OGN: variants seen among roughly 807,000 people sequenced by gnomAD.
OGN encodes the protein osteoglycin.
OGN carries 19 observed loss-of-function variants against 30.8 expected under a neutral mutation model. That is an observed-to-expected ratio of 0.62 (90% confidence interval 0.43 to 0.90). The LOEUF is 0.90. OGN is among the 40% of genes least tolerant of loss of function. OGN has a pLI of 0.00. For missense variants in OGN, 283 were observed against 349.7 expected (o/e 0.81, Z 1.52); for synonymous variants, 126 against 128.3 (o/e 0.98, Z 0.12).
chr9:92,391,699 A>G (rs1482141158), intron 4 of OGN, among the ~76,000 whole-genome samples: 2 of 152,232 alleles, frequency 1.3e-5, no homozygotes, highest in African/African-American at 4.8e-5. Flanking sequence ...GACTGTGAAC[A>G]GGGCATTTAT....
At chr9:92,400,814 T>G (rs1843082015) in intron 3 of OGN, among the ~76,000 whole-genome samples, 1 of 152,256 alleles carries the variant, frequency 6.6e-6, no homozygotes, top group South Asian at 2.1e-4. Flanking sequence ...CGTGTTTAAG[T>G]ATTTCTCGAA....
At chr9:92,400,299 G>A (rs1843058091) in intron 3 of OGN, among the ~76,000 whole-genome samples, 1 of 152,052 alleles carries the variant, frequency 6.6e-6, no homozygotes, top group South Asian at 2.1e-4. Context: ...ACAGGCACCT[G>A]CCACCACGCC....
chr9:92,392,983 A>G (rs1842747607), intron 4 of OGN, 103 bp downstream of exon 4: 2 of 868,878 alleles, frequency 2.3e-6, no homozygotes, highest in Non-Finnish European at 3.5e-6. Flanking sequence ...ACTTCAAGTG[A>G]CAAACCTGAA....
chr9:92,400,855 G>A (rs956183752), intron 3 of OGN, among the ~76,000 whole-genome samples: 1 of 152,206 alleles, frequency 6.6e-6, no homozygotes, highest in Non-Finnish European at 1.5e-5. Flanking sequence ...ACCACACTTT[G>A]TGGAGGCTAA....
At chr9:92,399,898 T>C (rs1564299846) in intron 3 of OGN, among the ~76,000 whole-genome samples, 1 of 152,208 alleles carries the variant, frequency 6.6e-6, no homozygotes, top group East Asian at 1.9e-4. Flanking sequence ...TTTTAAAGTA[T>C]AGAGTTTTAT....
chr9:92,394,320 G>A (rs895802275), intron 3 of OGN, among the ~76,000 whole-genome samples: 2 of 151,894 alleles, frequency 1.3e-5, no homozygotes, highest in Non-Finnish European at 2.9e-5. Flanking sequence ...TTGGCTCATT[G>A]CAACCTCCAC....
rs1254263807 is a variant in OGN at position 92,389,950 on chromosome 9, T to C, written c.534A>G (p.Gln178=). ...GAGGAAGAACTGGAAGTTTTAGTAG[T>C]TGATTTTCAGCAAGTGAAAGTTCTT... ...LLEELSLAEN[Q]LLKLPVLPPK... The change falls in exon 5 of 7, where the codon CAA becomes CAG. Residue 178 remains glutamine, a synonymous_variant. Coordinates refer to ENST00000375561, the MANE Select transcript of OGN (RefSeq NM_014057.5). 2 of 1,611,840 alleles carry C rather than the reference T, an allele frequency of 1.2e-6. No individual in the cohort carries two copies. The highest frequency in any genetic ancestry group is 1.7e-5 in the Admixed American group (1 of 59,994).
At chr9:92,388,689 G>A (rs1331736091) in intron 5 of OGN, among the ~76,000 whole-genome samples, 2 of 151,860 alleles carry the variant, frequency 1.3e-5, no homozygotes, top group Non-Finnish European at 2.9e-5. Context: ...GAAATTAGCC[G>A]GGCGTGGTGG....
Position 92,386,261 on chromosome 9 carries a change from A to C in OGN, c.666T>G (p.His222Gln). ...LNNLTFLYLD[H>Q]NALESVPLNL... is the part of the protein sequence containing the mutation. ...TAAGAGGCACGGATTCCAGGGCATT[A>C]TGGTCCAAGTAGAGGAAGGTGAGGT... The change falls in exon 6 of 7, where the codon CAT becomes CAG. Residue 222 changes from histidine (H) to glutamine (Q), a missense_variant. His to Gln is a conservative substitution (Grantham distance 24). Coordinates refer to ENST00000375561, the MANE Select transcript of OGN (RefSeq NM_014057.5). 6.2e-7 allele frequency: 1 copy of C among 1,613,584 alleles called. No individual in the cohort carries two copies. Among genetic ancestry groups the C allele is most frequent in the Middle Eastern group, 1.7e-4 (1 of 6,058 alleles).
intron 4 of OGN, among the ~76,000 whole-genome samples, chr9:92,391,847 T>C (rs1297210727): frequency 6.6e-6 from 1 of 152,122 alleles, no homozygotes; most frequent in Admixed American, 6.5e-5. Flanking sequence ...TGTGTATTAA[T>C]TTTGGGGTTA....
intron 2 of OGN, among the ~76,000 whole-genome samples, chr9:92,402,833 A>G (rs1843173563): frequency 6.6e-6 from 1 of 152,212 alleles, no homozygotes; most frequent in Non-Finnish European, 1.5e-5. Context: ...GTTTTCTATA[A>G]TAATAACCTT....
rs767837287 is a variant in OGN, at chr9:92,389,861, G to A, written c.623C>T (p.Ala208Val). Residue 208 changes from alanine to valine, a missense_variant, in exon 5 of 7, where the codon GCA becomes GTA. By Grantham distance (64) the Ala-to-Val change is moderately conservative. Coordinates refer to ENST00000375561, the MANE Select transcript of OGN (RefSeq NM_014057.5). ...KIKSRGIKAN[A>V]FKKLNNLTFL... ...TTACTATAAAATACTTACTTTGAAT[G>A]CATTTGCTTTGATTCCCCTACTCTT... 2.5e-6 allele frequency: 4 copies of A among 1,599,070 alleles called. No homozygotes were observed. The East Asian group carries it at 9.0e-5, about 36-fold the overall frequency.
intron 4 of OGN, among the ~76,000 whole-genome samples, chr9:92,390,520 G>A (rs1483061128): frequency 1.3e-5 from 2 of 152,038 alleles, no homozygotes; most frequent in Non-Finnish European, 2.9e-5. Context: ...AGACAAAGAT[G>A]TTCCCTGATT....
rs1842318095 is a variant in OGN, at chr9:92,383,553, T to C, written c.*2067A>G. 6.6e-6 allele frequency among the ~76,000 whole-genome samples: 1 copy of C among 152,190 alleles called. No individual in the cohort carries two copies. The highest frequency in any genetic ancestry group is 1.5e-5 in the Non-Finnish European group (1 of 68,022). ...CAAGAATGAAACATTATGAATATAA[T>C]GGAGACAGCATATTTTTACTTTCTC... On this transcript the variant is annotated 3_prime_UTR_variant, in exon 7 of 7. Coordinates refer to ENST00000375561, the MANE Select transcript of OGN (RefSeq NM_014057.5).
intron 3 of OGN, among the ~76,000 whole-genome samples, chr9:92,397,250 T>A (rs949414475): frequency 1.3e-5 from 2 of 152,122 alleles, no homozygotes; most frequent in Non-Finnish European, 2.9e-5. Context: ...TAGCAAGATG[T>A]CCCAAACTAA....
intron 5 of OGN, among the ~76,000 whole-genome samples, chr9:92,389,297 T>C (rs1842570728): frequency 6.6e-6 from 1 of 152,242 alleles, no homozygotes; most frequent in Admixed American, 6.5e-5. Context: ...CCCTTTTTCC[T>C]ACATAATATT....
chr9:92,404,587 C>T (rs1410946857), upstream of OGN: 1 of 1,291,970 alleles, frequency 7.7e-7, no homozygotes, highest in Non-Finnish European at 1.0e-6. Context: ...ATGAGAAAAG[C>T]TATGTCTTGA....
Position 92,384,364 on chromosome 9 carries a change from T to A in OGN, c.*1256A>T, listed in dbSNP as rs1307911758. On this transcript the variant is annotated 3_prime_UTR_variant, in exon 7 of 7. Transcript: ENST00000375561. The stretch of plus-strand genomic sequence containing the variant: ...ATGTATTCTGTACACAGAGACAACT[T>A]GATTTCAATACATACTTTATGGTGG... The A allele has an allele frequency of 6.6e-6, 1 of 152,180 alleles. No homozygotes were observed. Among genetic ancestry groups the A allele is most frequent in the African/African-American group, 2.4e-5 (1 of 41,464 alleles). The allele number at this position is 152,180 out of a possible 1,614,324, so 9.4% of individuals were successfully genotyped here. A position where few individuals can be genotyped will look rare whatever the true frequency, so the allele number is the denominator to read the frequency against.
chr9:92,396,111 T>A (rs1444660213), intron 3 of OGN, among the ~76,000 whole-genome samples: 1 of 152,180 alleles, frequency 6.6e-6, no homozygotes. Flanking sequence ...CACCGTTTTT[T>A]AAAAGGATTA....
Sources: gnomAD v4.1 joint callset for allele counts (sites outside exome capture counted in the v4.1 genomes callset) on GRCh38, gnomAD v4.1.1 for gene constraint, MANE v1.5 for transcripts, NCBI Gene and HGNC (gene_info 2026-07-23, HGNC 2026-07-21) for gene names.